COL26A1: variants seen among roughly 807,000 people sequenced by gnomAD.
COL26A1 encodes the protein collagen type XXVI alpha 1 chain.
Under a neutral mutation model 59.3 loss-of-function variants are expected in COL26A1, and 41 were observed. That is an observed-to-expected ratio of 0.69 (90% CI 0.54 to 0.90). COL26A1 has a LOEUF of 0.90. COL26A1 is among the 40% of genes least tolerant of loss of function. The pLI is 0.00. For missense variants in COL26A1, 612 were observed against 602.3 expected (o/e 1.02, Z -0.17); for synonymous variants, 266 against 256.0 (o/e 1.04, Z -0.37).
At chr7:101,505,421 T>C (rs772002474) in intron 3 of COL26A1, among the ~76,000 whole-genome samples, 3 of 152,158 alleles carry the variant, frequency 2.0e-5, no homozygotes, top group Non-Finnish European at 4.4e-5. Context: ...ACTTTGTTTT[T>C]GTGTGTACAT....
chr7:101,492,702 AT>A lies in COL26A1; in HGVS notation c.386-40379del, dbSNP rs1174254685. Among the ~76,000 whole-genome samples the A allele has an allele frequency of 1.0e-3, 29 of 28,326 alleles. No homozygotes were observed. In the African/African-American group the frequency reaches 0.022, roughly 21 times the overall value. 18.6% of individuals were successfully genotyped at this position (28,326 alleles called of 152,430 possible). A position where few individuals can be genotyped will look rare whatever the true frequency, so the allele number is the denominator to read the frequency against. On this transcript the variant is annotated intron_variant, in intron 3 of 12. Coordinates refer to ENST00000313669, the MANE Select transcript of COL26A1 (RefSeq NM_001278563.3). ...ACAGAGCAAGACTCTGTCTCAAAAA[AT>A]AAATAAATAAATAAATAAATAAATA...
chr7:101,511,815 A>T (rs1794932521), intron 3 of COL26A1, among the ~76,000 whole-genome samples: 1 of 151,684 alleles, frequency 6.6e-6, no homozygotes, highest in Non-Finnish European at 1.5e-5. Flanking sequence ...CAACATAGTA[A>T]GACTCCATCT....
chr7:101,482,988 G>A (rs1277305209), intron 3 of COL26A1, among the ~76,000 whole-genome samples: 1 of 152,036 alleles, frequency 6.6e-6, no homozygotes, highest in Non-Finnish European at 1.5e-5. Context: ...AGTTCCTTAG[G>A]CACAGAAGTT....
chr7:101,509,403 G>A (rs953751891), intron 3 of COL26A1, among the ~76,000 whole-genome samples: 2 of 152,076 alleles, frequency 1.3e-5, no homozygotes, highest in South Asian at 2.1e-4. Context: ...CTGAGATCGT[G>A]CCACTGTACT....
rs1460957456 is a variant in COL26A1, at chr7:101,551,087, G to A, written c.994-21G>A. On this transcript the variant is annotated intron_variant, in intron 9 of 12. Transcript: ENST00000313669. ...TGGCCAGGACCGGCAGGCCTCACACGCTTCCTTTGGTTTTCTGCAGGGCCT... is the reference window on the plus strand; with the variant it reads ...TGGCCAGGACCGGCAGGCCTCACACACTTCCTTTGGTTTTCTGCAGGGCCT... 4.5e-6 allele frequency: 7 copies of A among 1,553,082 alleles called. No individual in the cohort carries two copies. The African/African-American group carries it at 5.5e-5, about 12-fold the overall frequency.
intron 3 of COL26A1, among the ~76,000 whole-genome samples, chr7:101,456,627 G>A (rs1177218830): frequency 2.2e-5 from 2 of 89,672 alleles, no homozygotes; most frequent in Non-Finnish European, 4.3e-5. Flanking sequence ...TCACGCCATT[G>A]CACTCCACCT....
chr7:101,510,898 CTT>C (rs908747824), intron 3 of COL26A1, among the ~76,000 whole-genome samples: 5 of 130,920 alleles, frequency 3.8e-5, no homozygotes, highest in East Asian at 2.2e-4. Context: ...TTCTTTCTTT[CTT>C]TTTTTTTTTT....
At chr7:101,554,943 C>G (rs1468372928) in intron 11 of COL26A1, among the ~76,000 whole-genome samples, 1 of 152,074 alleles carries the variant, frequency 6.6e-6, no homozygotes, top group Non-Finnish European at 1.5e-5. Flanking sequence ...GACCTTTCTC[C>G]TATAACCCAG....
At chr7:101,403,797 G>C (rs1216622926) in intron 1 of COL26A1, among the ~76,000 whole-genome samples, 1 of 152,022 alleles carries the variant, frequency 6.6e-6, no homozygotes, top group Non-Finnish European at 1.5e-5. Flanking sequence ...TTAAATTTCA[G>C]ATTAAAGCCT....
chr7:101,439,104 C>A (rs1243390557), intron 2 of COL26A1, among the ~76,000 whole-genome samples: 1 of 152,090 alleles, frequency 6.6e-6, no homozygotes, highest in Non-Finnish European at 1.5e-5. Flanking sequence ...CAGACAGACT[C>A]TAGGAGGACC....
intron 2 of COL26A1, among the ~76,000 whole-genome samples, chr7:101,446,761 C>T (rs190597979): frequency 9.8e-4 from 149 of 151,734 alleles, no homozygotes; most frequent in African/African-American, 3.5e-3. Context: ...GCAGGAGAAT[C>T]GCTTGAACCT....
intron 3 of COL26A1, among the ~76,000 whole-genome samples, chr7:101,494,508 G>C (rs1341992083): frequency 6.6e-6 from 1 of 152,228 alleles, no homozygotes; most frequent in African/African-American, 2.4e-5. Flanking sequence ...AAGTAAAGGC[G>C]TAGTTCTATT....
chr7:101,416,172 T>C (rs1345145191), intron 1 of COL26A1, among the ~76,000 whole-genome samples: 1 of 142,968 alleles, frequency 7.0e-6, no homozygotes, highest in Non-Finnish European at 1.6e-5. Flanking sequence ...GGTGGGACGA[T>C]CACCTGAGCC....
At chr7:101,410,723 A>C (rs10441299) in intron 1 of COL26A1, among the ~76,000 whole-genome samples, 15,158 of 151,606 alleles carry the variant, frequency 0.1, 1,175 homozygotes, top group African/African-American at 0.22. Flanking sequence ...TTTGAGACGG[A>C]GTCTTGCTCT....
chr7:101,439,658 T>C (rs1246994754), intron 2 of COL26A1, among the ~76,000 whole-genome samples: 2 of 149,714 alleles, frequency 1.3e-5, no homozygotes, highest in African/African-American at 4.9e-5. Context: ...GGACACCAGA[T>C]CAAAGCAGGC....
At chr7:101,486,457 G>A (rs1371047685) in intron 3 of COL26A1, among the ~76,000 whole-genome samples, 1 of 152,236 alleles carries the variant, frequency 6.6e-6, no homozygotes, top group Non-Finnish European at 1.5e-5. Flanking sequence ...GACTTGCACA[G>A]GCAGGTCCCT....
intron 2 of COL26A1, among the ~76,000 whole-genome samples, chr7:101,429,589 C>CTT (rs58432413): frequency 1.0e-4 from 8 of 78,688 alleles, no homozygotes; most frequent in East Asian, 3.0e-4. Flanking sequence ...TTCTTTTTTA[C>CTT]TTTTTTTTTT....
chr7:101,547,505 A>G (rs947322324), intron 8 of COL26A1, among the ~76,000 whole-genome samples: 11 of 152,238 alleles, frequency 7.2e-5, no homozygotes, highest in African/African-American at 2.4e-4. Context: ...TGCATGGGCC[A>G]GAGTGGGACA....
intron 1 of COL26A1, among the ~76,000 whole-genome samples, chr7:101,402,127 T>C (rs1792022263): frequency 6.6e-6 from 1 of 152,176 alleles, no homozygotes; most frequent in African/African-American, 2.4e-5. Flanking sequence ...GACAGCAGTG[T>C]GTGGCGGGGG....
Sources: gnomAD v4.1 joint callset for allele counts (sites outside exome capture counted in the v4.1 genomes callset) on GRCh38, gnomAD v4.1.1 for gene constraint, MANE v1.5 for transcripts, NCBI Gene and HGNC (gene_info 2026-07-23, HGNC 2026-07-21) for gene names.